The following SLC30A8 variants were observed in gnomAD, a reference collection of about 807,000 sequenced individuals.
The protein encoded by SLC30A8 is solute carrier family 30 member 8.
A neutral mutation model predicts 36.9 loss-of-function variants in SLC30A8; 27 were observed. The observed-to-expected ratio is 0.73, with a 90% CI of 0.54 to 1.01. The LOEUF (loss-of-function observed/expected upper bound fraction) is 1.01, where lower values mean the gene tolerates loss of function less well. Among genes scored for constraint, SLC30A8 ranks in the 50% least tolerant of loss-of-function variants. The pLI is 0.00. For missense variants in SLC30A8, 439 were observed against 452.0 expected (o/e 0.97, Z 0.26); for synonymous variants, 164 against 172.4 (o/e 0.95, Z 0.38).
At chr8:117,109,936 T>G (rs72687118) in intron 2 of SLC30A8, among the ~76,000 whole-genome samples, 8,772 of 152,230 alleles carry the variant, frequency 0.058, 303 homozygotes, top group East Asian at 0.13. Flanking sequence ...GCATTTATAG[T>G]GATTAAGGTG....
chr8:116,959,077 C>T (rs1289598945), intron 1 of SLC30A8, among the ~76,000 whole-genome samples: 1 of 152,032 alleles, frequency 6.6e-6, no homozygotes, highest in Non-Finnish European at 1.5e-5. Context: ...TCTCGATCTC[C>T]TGACCTCGTG....
chr8:117,013,656 G>T (rs190850259), intron 1 of SLC30A8, among the ~76,000 whole-genome samples: 1 of 152,222 alleles, frequency 6.6e-6, no homozygotes, highest in Non-Finnish European at 1.5e-5. Context: ...CAAGCTTTGG[G>T]ATGAAGATGG....
chr8:117,129,462 C>T (rs1821044445), intron 2 of SLC30A8, among the ~76,000 whole-genome samples: 1 of 151,976 alleles, frequency 6.6e-6, no homozygotes, highest in Admixed American at 6.6e-5. Context: ...ACTTTTGTTT[C>T]CTTCCATAGG....
chr8:116,975,394 T>A (rs1293395067), intron 1 of SLC30A8, among the ~76,000 whole-genome samples: 2 of 152,188 alleles, frequency 1.3e-5, no homozygotes, highest in African/African-American at 4.8e-5. Flanking sequence ...CTAGTTAATA[T>A]AGAAATTAGT....
intron 2 of SLC30A8, among the ~76,000 whole-genome samples, chr8:117,124,732 TG>T (rs1198026557): frequency 6.7e-6 from 1 of 149,822 alleles, no homozygotes; most frequent in East Asian, 2.0e-4. Flanking sequence ...CACTTATAAG[TG>T]GGAGCTAAAC....
intron 1 of SLC30A8, among the ~76,000 whole-genome samples, chr8:117,146,127 T>G (rs193274160): frequency 6.6e-6 from 1 of 152,178 alleles, no homozygotes; most frequent in African/African-American, 2.4e-5. Flanking sequence ...AATTGAAATG[T>G]TCCTAGAATA....
intron 1 of SLC30A8, among the ~76,000 whole-genome samples, chr8:117,016,020 G>A (rs1055164035): frequency 4.6e-5 from 7 of 152,130 alleles, no homozygotes; most frequent in African/African-American, 1.7e-4. Context: ...TGAATAAGAA[G>A]GAACAAGAGC....
rs181084025 is a variant in SLC30A8, at chr8:117,158,418, A to G, written c.572+574A>G. On this transcript the variant is annotated intron_variant, in intron 4 of 7. Coordinates refer to ENST00000456015, the MANE Select transcript of SLC30A8 (RefSeq NM_173851.3). ...TTTTCTTTTGCAACATTTCCATAAAATGGTCATTAGTTTCATATATTTTAA... is the reference window on the plus strand; with the variant it reads ...TTTTCTTTTGCAACATTTCCATAAAGTGGTCATTAGTTTCATATATTTTAA... 1.1e-3 allele frequency among the ~76,000 whole-genome samples: 165 copies of G among 152,322 alleles called. 2 individuals carry two copies. The highest frequency in any genetic ancestry group is 3.6e-3 in the African/African-American group (148 of 41,562).
At chr8:117,093,481 A>G (rs1586498561) in intron 2 of SLC30A8, among the ~76,000 whole-genome samples, 2 of 151,838 alleles carry the variant, frequency 1.3e-5, no homozygotes, top group Admixed American at 6.6e-5. Context: ...GCCCCCTGCC[A>G]CTACTCCACA....
intron 2 of SLC30A8, among the ~76,000 whole-genome samples, chr8:117,042,299 G>A (rs575342437): frequency 1.3e-5 from 2 of 152,244 alleles, no homozygotes; most frequent in East Asian, 1.9e-4. Context: ...GCTTTGCTTC[G>A]GAAACTGCAG....
chr8:117,043,130 G>A (rs1369446402), intron 2 of SLC30A8, among the ~76,000 whole-genome samples: 1 of 152,122 alleles, frequency 6.6e-6, no homozygotes. Context: ...TTTTTGGTTG[G>A]GGAGAATAAG....
intron 1 of SLC30A8, among the ~76,000 whole-genome samples, chr8:116,994,974 C>T (rs973515697): frequency 2.0e-5 from 3 of 152,062 alleles, no homozygotes; most frequent in African/African-American, 7.3e-5. Flanking sequence ...TTTACTTTCT[C>T]TCAATTTCCC....
At chr8:116,984,860 T>G (rs969966831) in intron 1 of SLC30A8, among the ~76,000 whole-genome samples, 1 of 152,106 alleles carries the variant, frequency 6.6e-6, no homozygotes, top group African/African-American at 2.4e-5. Flanking sequence ...AATATTGATT[T>G]AATCCAATTT....
intron 2 of SLC30A8, among the ~76,000 whole-genome samples, chr8:117,148,908 T>C (rs1741910197): frequency 6.6e-6 from 1 of 152,256 alleles, no homozygotes; most frequent in Admixed American, 6.5e-5. Flanking sequence ...CAATTATATA[T>C]TTGAATTATT....
intron 2 of SLC30A8, among the ~76,000 whole-genome samples, chr8:117,062,257 T>C (rs1818041016): frequency 6.6e-6 from 1 of 152,164 alleles, no homozygotes; most frequent in Admixed American, 6.5e-5. Context: ...TGTTCTTGTA[T>C]TACTATAGAG....
chr8:116,989,918 A>G (rs1262982309), intron 1 of SLC30A8, among the ~76,000 whole-genome samples: 5 of 152,202 alleles, frequency 3.3e-5, no homozygotes, highest in African/African-American at 7.2e-5. Flanking sequence ...GAGAATTCCA[A>G]AGCTACATCA....
chr8:117,064,745 C>T (rs1818117865), intron 2 of SLC30A8, among the ~76,000 whole-genome samples: 1 of 152,218 alleles, frequency 6.6e-6, no homozygotes, highest in African/African-American at 2.4e-5. Flanking sequence ...TTTCTCTGCG[C>T]CAGGAGGCTA....
chr8:117,152,814 C>A (rs1306941918), intron 2 of SLC30A8, 130 bp from the exon 3 acceptor site: 2 of 691,648 alleles, frequency 2.9e-6, no homozygotes, highest in Non-Finnish European at 4.5e-6. Flanking sequence ...TGAATTAAAT[C>A]AACTTTAAGA....
upstream of SLC30A8, among the ~76,000 whole-genome samples, chr8:117,133,223 G>A (rs899754294): frequency 6.6e-6 from 1 of 151,884 alleles, no homozygotes; most frequent in Non-Finnish European, 1.5e-5. Context: ...TTGACAGGGG[G>A]TAGCAGTATT....
Sources: gnomAD v4.1 joint callset for allele counts (sites outside exome capture counted in the v4.1 genomes callset) on GRCh38, gnomAD v4.1.1 for gene constraint, MANE v1.5 for transcripts, NCBI Gene and HGNC (gene_info 2026-07-23, HGNC 2026-07-21) for gene names.